ZNF704: variants seen among roughly 807,000 people sequenced by gnomAD.
ZNF704 encodes the protein zinc finger protein 704, also known as glucocorticoid induced gene 1.
ZNF704 carries 10 observed loss-of-function variants against 44.7 expected under a neutral mutation model. That is an observed-to-expected ratio of 0.22 (90% CI 0.14 to 0.38). The LOEUF is 0.38. Ranked by LOEUF, ZNF704 falls within the 10% of genes least tolerant of loss-of-function variation. ZNF704 has a pLI of 1.00. For synonymous variants in ZNF704, 211 were observed against 207.6 expected (o/e 1.02, Z -0.14); for missense variants, 390 against 545.5 (o/e 0.71, Z 2.84).
At chr8:80,645,554 AC>A (rs1817816964) in intron 7 of ZNF704, among the ~76,000 whole-genome samples, 1 of 151,910 alleles carries the variant, frequency 6.6e-6, no homozygotes, top group Non-Finnish European at 1.5e-5. Flanking sequence ...AATAGCTTGG[AC>A]CATTCCCTTG....
At chr8:80,824,489 T>C (rs184034937) in intron 1 of ZNF704, among the ~76,000 whole-genome samples, 2 of 152,292 alleles carry the variant, frequency 1.3e-5, no homozygotes, top group Non-Finnish European at 2.9e-5. Context: ...TGGAACCAAG[T>C]TGGAAAACAC....
At position 80,641,359 on chromosome 8, in the gene ZNF704, G is replaced by C. The variant is rs777686853; in HGVS notation, c.*7C>G. On this transcript the variant is annotated 3_prime_UTR_variant, in exon 9 of 9. Transcript: ENST00000327835. ...CAGGGCCCTGAGCCCCTCTGCCTGG[G>C]GGTCTCTCAGTCGAGGAACCTCTGG... 4 of 1,604,262 alleles carry C rather than the reference G, an allele frequency of 2.5e-6. No individual in the cohort carries two copies. Among genetic ancestry groups the C allele is most frequent in the Non-Finnish European group, 3.4e-6 (4 of 1,173,420 alleles).
intron 1 of ZNF704, among the ~76,000 whole-genome samples, chr8:80,869,728 G>T (rs1477302352): frequency 6.6e-6 from 1 of 152,226 alleles, no homozygotes; most frequent in Non-Finnish European, 1.5e-5. Flanking sequence ...GGTGGAACCT[G>T]TGACTTACTT....
At chr8:80,841,571 T>C (rs1371673241) in intron 1 of ZNF704, among the ~76,000 whole-genome samples, 1 of 152,130 alleles carries the variant, frequency 6.6e-6, no homozygotes, top group Non-Finnish European at 1.5e-5. Flanking sequence ...GAGAATCAAA[T>C]GAGAAAGATG....
At chr8:80,859,122 A>G (rs922909606) in intron 1 of ZNF704, among the ~76,000 whole-genome samples, 1 of 152,170 alleles carries the variant, frequency 6.6e-6, no homozygotes, top group African/African-American at 2.4e-5. Context: ...TATATTTTGA[A>G]GCTTTCCTAT....
intron 6 of ZNF704, among the ~76,000 whole-genome samples, chr8:80,663,866 A>T (rs1818141993): frequency 1.3e-5 from 2 of 151,880 alleles, no homozygotes; most frequent in Non-Finnish European, 2.9e-5. Flanking sequence ...AGTAGCTGGG[A>T]CTACAGGTAC....
chr8:80,769,652 C>G (rs1345529844), intron 2 of ZNF704, among the ~76,000 whole-genome samples: 1 of 152,180 alleles, frequency 6.6e-6, no homozygotes, highest in East Asian at 1.9e-4. Context: ...ACCACCTCAG[C>G]CTGGACCTTG....
intron 7 of ZNF704, 24 bp from the exon 8 acceptor site, chr8:80,643,153 G>A (rs1174061386): frequency 1.9e-6 from 3 of 1,571,598 alleles, no homozygotes; most frequent in Admixed American, 1.8e-5. Context: ...GGAAAAGAAA[G>A]TTGATGGGGC....
At chr8:80,841,377 C>T (rs563112001) in intron 1 of ZNF704, among the ~76,000 whole-genome samples, 54 of 152,206 alleles carry the variant, frequency 3.5e-4, no homozygotes, top group Non-Finnish European at 5.1e-4. Flanking sequence ...ATCTGCCACA[C>T]CACCATATGT....
At chr8:80,720,667 G>A (rs145714778) in intron 2 of ZNF704, among the ~76,000 whole-genome samples, 14 of 152,322 alleles carry the variant, frequency 9.2e-5, no homozygotes, top group African/African-American at 3.1e-4. Flanking sequence ...GAAACCAACA[G>A]AAATCTCCTC....
At chr8:80,667,679 GCA>G in intron 5 of ZNF704, among the ~76,000 whole-genome samples, 1 of 152,340 alleles carries the variant, frequency 6.6e-6, no homozygotes, top group South Asian at 2.1e-4. Context: ...TAGGTACCTA[GCA>G]AATGTTGCCT....
chr8:80,676,500 G>C (rs1000801700), intron 4 of ZNF704, among the ~76,000 whole-genome samples: 3 of 152,188 alleles, frequency 2.0e-5, no homozygotes, highest in African/African-American at 7.2e-5. Context: ...GGTGGCTGCA[G>C]ATGCAGTTAA....
At position 80,687,335 on chromosome 8, in the gene ZNF704, G is replaced by A. The variant is rs756788376; in HGVS notation, c.449C>T (p.Ser150Leu). ...SNPSTPSPPLSADSFKPFRSP... is the reference protein window; with the variant it reads ...SNPSTPSPPLLADSFKPFRSP... Reference sequence around the variant, plus strand: ...GCGGAAGGGCTTGAAGCTGTCAGCCGAGAGCGGCGGCGACGGCGTGGACGG... The same window carrying A: ...GCGGAAGGGCTTGAAGCTGTCAGCCAAGAGCGGCGGCGACGGCGTGGACGG... Residue 150 changes from serine to leucine, a missense_variant, in exon 4 of 9, where the codon TCG becomes TTG. Transcript: ENST00000327835. The A allele has an allele frequency of 2.5e-6, 4 of 1,611,024 alleles. No individual in the cohort carries two copies. Among genetic ancestry groups the A allele is most frequent in the South Asian group, 1.1e-5 (1 of 91,046 alleles).
intron 3 of ZNF704, among the ~76,000 whole-genome samples, chr8:80,688,066 G>A (rs565540544): frequency 6.6e-5 from 10 of 152,162 alleles, no homozygotes; most frequent in South Asian, 4.2e-4. Context: ...TGATTAGCCC[G>A]GCGTGGTGGC....
intron 1 of ZNF704, among the ~76,000 whole-genome samples, chr8:80,839,731 T>C (rs1808644287): frequency 6.6e-6 from 1 of 152,310 alleles, no homozygotes; most frequent in Middle Eastern, 3.4e-3. Flanking sequence ...TAGATGACTG[T>C]AGGGGGACCT....
chr8:80,854,507 T>C (rs1244773910), intron 1 of ZNF704, among the ~76,000 whole-genome samples: 3 of 152,204 alleles, frequency 2.0e-5, no homozygotes, highest in Non-Finnish European at 4.4e-5. Context: ...AAAAACTACT[T>C]TTCTAAAAGA....
chr8:80,789,215 G>A (rs2129739443), intron 2 of ZNF704, among the ~76,000 whole-genome samples: 1 of 152,224 alleles, frequency 6.6e-6, no homozygotes, highest in Admixed American at 6.5e-5. Flanking sequence ...GTTTTAAAGT[G>A]AGGAAATGAT....
chr8:80,674,479 T>C (rs1161536503), intron 4 of ZNF704, among the ~76,000 whole-genome samples: 3 of 152,122 alleles, frequency 2.0e-5, no homozygotes, highest in African/African-American at 4.8e-5. Flanking sequence ...AGTTAAATCA[T>C]AGTGGAGGTC....
At chr8:80,747,984 G>A (rs113463985) in intron 2 of ZNF704, among the ~76,000 whole-genome samples, 1 of 152,140 alleles carries the variant, frequency 6.6e-6, no homozygotes, top group African/African-American at 2.4e-5. Context: ...CAAAGTGCCA[G>A]GATTACAGGT....
Sources: gnomAD v4.1 joint callset for allele counts (sites outside exome capture counted in the v4.1 genomes callset) on GRCh38, gnomAD v4.1.1 for gene constraint, MANE v1.5 for transcripts, NCBI Gene and HGNC (gene_info 2026-07-23, HGNC 2026-07-21) for gene names.